CNOT1: variants seen among roughly 807,000 people sequenced by gnomAD.
The protein encoded by CNOT1 is CCR4-NOT transcription complex subunit 1.
Under a neutral mutation model 273.8 loss-of-function variants are expected in CNOT1, and 15 were observed. The ratio of observed to expected loss-of-function variants is 0.05; its 90% CI spans 0.04 to 0.08. The LOEUF (loss-of-function observed/expected upper bound fraction) is 0.08. CNOT1 is among the 10% of genes least tolerant of loss of function. The pLI, the probability that CNOT1 is intolerant of heterozygous loss-of-function variation, is 1.00. For missense variants in CNOT1, 1,644 were observed against 2,912.2 expected (o/e 0.56, Z 10.02); for synonymous variants, 1,022 against 1,005.5 (o/e 1.02, Z -0.31).
chr16:58,618,078 A>C (rs2043158372), intron 1 of CNOT1, among the ~76,000 whole-genome samples: 1 of 152,212 alleles, frequency 6.6e-6, no homozygotes, highest in Non-Finnish European at 1.5e-5. Flanking sequence ...AGAAGATGGT[A>C]AGAAATGGTA....
At position 58,578,922 on chromosome 16, in the gene CNOT1, A is replaced by G; in HGVS notation, c.1361T>C (p.Ile454Thr). 6.2e-7 allele frequency: 1 copy of G among 1,614,116 alleles called. No individual in the cohort carries two copies. The change falls in exon 13 of 49, where the codon ATT (isoleucine) becomes ACT (threonine). Residue 454 changes from isoleucine to threonine, a missense_variant. Ile to Thr is a moderately conservative substitution (Grantham distance 89). Around this residue, in one of 13 missense-constraint regions of CNOT1, gnomAD observed 706 missense variants for 1,021.2 expected, o/e 0.69. Transcript: ENST00000317147. The part of the protein sequence containing the change: ...EIATWKSLDL[I>T]ESLLRLAEVG... The stretch of plus-strand genomic sequence containing the variant: ...CTCTGCAAGCCTCAGCAGAGATTCA[A>G]TCAAATCCAAGCTCTTCCTAACGAG...
intron 14 of CNOT1, among the ~76,000 whole-genome samples, 181 bp downstream of exon 14, chr16:58,576,282 C>A (rs1597492300): frequency 6.6e-6 from 1 of 151,896 alleles, no homozygotes. Context: ...GCTAATTTTT[C>A]TATTTTTAGT....
intron 1 of CNOT1, among the ~76,000 whole-genome samples, chr16:58,606,512 T>C (rs1266054024): frequency 6.6e-6 from 1 of 152,060 alleles, no homozygotes; most frequent in African/African-American, 2.4e-5. Flanking sequence ...AGTGTAAAGA[T>C]TATCTTCAGG....
Position 58,525,303 on chromosome 16 carries a change from G to C in CNOT1, c.6660C>G (p.Leu2220=). 1.9e-6 allele frequency: 3 copies of C among 1,613,894 alleles called. No individual in the cohort carries two copies. Among genetic ancestry groups the C allele is most frequent in the Non-Finnish European group, 8.5e-7 (1 of 1,180,048 alleles). ...YNLQLINALV[L]YVGTQAIAHI... ...GCGCAATGGCCTGAGTCCCGACATAGAGCACCAGTGCATTGATGAGCTGGA... is the reference window on the plus strand; with the variant it reads ...GCGCAATGGCCTGAGTCCCGACATACAGCACCAGTGCATTGATGAGCTGGA... The change falls in exon 46 of 49, where the codon CTC becomes CTG. Residue 2220 remains leucine, a synonymous_variant. Transcript: ENST00000317147.
intron 13 of CNOT1, 103 bp downstream of exon 13, chr16:58,578,596 T>A: frequency 1.3e-6 from 2 of 1,493,178 alleles, no homozygotes; most frequent in Non-Finnish European, 1.8e-6. Context: ...GTCATAATAA[T>A]TCAGAGATGT....
rs114857857 is a variant in CNOT1, at chr16:58,545,670, G to C, written c.4007-179C>G. ...AAAGGGAAATTCTGTTGTTATAACA[G>C]AGATATACACGAAGTATGTTAAACT... is the stretch of plus-strand genomic sequence containing the variant. On this transcript the variant is annotated intron_variant, in intron 29 of 48. Transcript: ENST00000317147. 2.0e-3 allele frequency among the ~76,000 whole-genome samples: 310 copies of C among 152,280 alleles called. 1 individual carries two copies. The highest frequency in any genetic ancestry group is 7.3e-3 in the African/African-American group (303 of 41,556).
At chr16:58,542,754 A>C (rs1034892454) in intron 31 of CNOT1, among the ~76,000 whole-genome samples, 186 bp from the exon 32 acceptor site, 3 of 152,200 alleles carry the variant, frequency 2.0e-5, no homozygotes, top group Non-Finnish European at 4.4e-5. Flanking sequence ...TAAGACAAAA[A>C]TATCCTAGAC....
At chr16:58,577,989 T>C (rs1032860521) in intron 13 of CNOT1, among the ~76,000 whole-genome samples, 2 of 152,138 alleles carry the variant, frequency 1.3e-5, no homozygotes, top group African/African-American at 4.8e-5. Flanking sequence ...AATGTAAATG[T>C]TGGATTTAGA....
intron 1 of CNOT1, among the ~76,000 whole-genome samples, chr16:58,610,796 T>C (rs1305945743): frequency 7.6e-6 from 1 of 131,232 alleles, no homozygotes; most frequent in Non-Finnish European, 1.6e-5. Flanking sequence ...TGAGCCGAGG[T>C]CGCACCACTG....
chr16:58,538,762 G>C lies in CNOT1; in HGVS notation c.5135+10C>G. ...CCAATACTCACTACTTTTCGAAGAT[G>C]GCTACTGACCTTGTGATCTGTTTGT... On this transcript the variant is annotated intron_variant, in intron 36 of 48. Coordinates refer to ENST00000317147, the MANE Select transcript of CNOT1 (RefSeq NM_016284.5). 1 of 1,611,542 alleles carries C rather than the reference G, an allele frequency of 6.2e-7. No individual in the cohort carries two copies. Among genetic ancestry groups the C allele is most frequent in the Non-Finnish European group, 8.5e-7 (1 of 1,179,910 alleles).
At chr16:58,530,492 G>A (rs909861477) in intron 42 of CNOT1, 145 bp from the exon 43 acceptor site, 31 of 516,542 alleles carry the variant, frequency 6.0e-5, no homozygotes, top group African/African-American at 3.7e-4. Context: ...ACAAAAGATC[G>A]GCATTAAAGG....
chr16:58,554,186 T>C (rs922314478), intron 21 of CNOT1, among the ~76,000 whole-genome samples: 17 of 151,562 alleles, frequency 1.1e-4, no homozygotes, highest in African/African-American at 9.8e-5. Flanking sequence ...TCAACTCATA[T>C]AGTAGAATAC....
chr16:58,582,967 G>A, intron 9 of CNOT1, 64 bp from the exon 10 acceptor site: 1 of 1,610,744 alleles, frequency 6.2e-7, no homozygotes, highest in Non-Finnish European at 8.5e-7. Flanking sequence ...CTGGTCGATA[G>A]AACAATCAAT....
chr16:58,543,705 G>A lies in CNOT1; in HGVS notation c.4336C>T (p.Arg1446Cys), dbSNP rs748593230. The A allele has an allele frequency of 3.1e-6, 5 of 1,614,148 alleles. No homozygotes were observed. In the South Asian group the frequency reaches 4.4e-5, roughly 14 times the overall value. The part of the protein sequence containing the change: ...RMRIAAHHMM[R>C]NLTAGMAMIT... ...ATAGCCATTCCAGCTGTCAAGTTAC[G>A]CATCATGTGATGAGCTGCTATTCGC... The change falls in exon 31 of 49, where the codon CGT (arginine) becomes TGT (cysteine). Residue 1446 changes from arginine to cysteine, a missense_variant. Physicochemically the swap from Arg to Cys is radical, Grantham distance 180. Around this residue, in one of 13 missense-constraint regions of CNOT1, gnomAD observed 133 missense variants for 230.4 expected, o/e 0.58. Transcript: ENST00000317147.
chr16:58,587,441 A>C lies in CNOT1; in HGVS notation c.310-28T>G, dbSNP rs1319009933. 7 of 1,610,520 alleles carry C rather than the reference A, an allele frequency of 4.3e-6. No homozygotes were observed. In the African/African-American group the frequency reaches 5.4e-5, roughly 12 times the overall value. On this transcript the variant is annotated intron_variant, in intron 4 of 48. Transcript: ENST00000317147. ...GAAACAAACCAAATTTTAGTTTAAA[A>C]TAAGAACTTACTTTTTCAAGAAGTT...
In CNOT1 at chr16:58,585,384, A is replaced by T; in HGVS notation, c.760T>A (p.Ser254Thr). The T allele has an allele frequency of 6.2e-7, 1 of 1,613,878 alleles. No homozygotes were observed. Among genetic ancestry groups the T allele is most frequent in the Non-Finnish European group, 8.5e-7 (1 of 1,179,990 alleles). The change falls in exon 8 of 49, where the codon TCT (serine) becomes ACT (threonine). Residue 254 changes from serine (S) to threonine (T), a missense_variant. Transcript: ENST00000317147. ...ACTTCTTGCATGAAATCAGCCAAAG[A>T]GCTCTCCATCATGGTTTTAGCTACC... is the stretch of plus-strand genomic sequence containing the variant. Reference protein sequence around the residue: ...GGVAKTMMESSLADFMQEVGY... With the variant: ...GGVAKTMMESTLADFMQEVGY...
chr16:58,579,337 G>A (rs2041574136), intron 12 of CNOT1, among the ~76,000 whole-genome samples: 1 of 152,146 alleles, frequency 6.6e-6, no homozygotes, highest in South Asian at 2.1e-4. Flanking sequence ...ACTATGGACT[G>A]CGTCTGGATT....
chr16:58,524,491 A>G (rs1453800917), intron 46 of CNOT1, among the ~76,000 whole-genome samples: 1 of 152,010 alleles, frequency 6.6e-6, no homozygotes, highest in Non-Finnish European at 1.5e-5. Context: ...ATGGTATTCA[A>G]TTTTGTTATA....
chr16:58,583,627 C>T (rs1356909223), intron 8 of CNOT1, among the ~76,000 whole-genome samples: 1 of 152,096 alleles, frequency 6.6e-6, no homozygotes, highest in Non-Finnish European at 1.5e-5. Flanking sequence ...TACAATGGCA[C>T]AATCTTGGCT....
Sources: gnomAD v4.1 joint callset for allele counts (sites outside exome capture counted in the v4.1 genomes callset) on GRCh38, gnomAD v4.1.1 for gene constraint, gnomAD v4.1.1 regional missense constraint, MANE v1.5 for transcripts, NCBI Gene and HGNC (gene_info 2026-07-23, HGNC 2026-07-21) for gene names.